Variants in FNDC3A observed in about 807,000 individuals in gnomAD.
The protein encoded by FNDC3A is fibronectin type-III domain-containing protein 3A.
Under a neutral mutation model 148.9 loss-of-function variants are expected in FNDC3A, and 32 were observed. The ratio of observed to expected loss-of-function variants is 0.21; its 90% CI spans 0.16 to 0.29. The LOEUF (loss-of-function observed/expected upper bound fraction) is 0.29. Ranked by LOEUF, FNDC3A falls within the 10% of genes least tolerant of loss-of-function variation. The probability of loss-of-function intolerance (pLI) is 1.00; values close to 1 mark genes in which losing one functional copy is unlikely to be tolerated. For synonymous variants in FNDC3A, 472 were observed against 473.6 expected, an observed-to-expected ratio of 1.00 and a Z score of 0.04; for missense variants, 1,191 against 1,452.8, an observed-to-expected ratio of 0.82 and a Z score of 2.93.
At chr13:48,990,596 A>AAT (rs1180026890) in intron 1 of FNDC3A, among the ~76,000 whole-genome samples, 6 of 149,084 alleles carry the variant, frequency 4.0e-5, no homozygotes, top group Admixed American at 2.7e-4. Context: ...TCCAAAAAAA[A>AAT]AAAAAAAAAA....
At chr13:49,192,918 TAAATA>T (rs1885959658) in intron 19 of FNDC3A, among the ~76,000 whole-genome samples, 1 of 152,196 alleles carries the variant, frequency 6.6e-6, no homozygotes, top group Non-Finnish European at 1.5e-5. Flanking sequence ...AGTTTTATTT[TAAATA>T]AAATCCATTC....
At chr13:48,990,303 G>C (rs1593442951) in intron 1 of FNDC3A, among the ~76,000 whole-genome samples, 1 of 151,978 alleles carries the variant, frequency 6.6e-6, no homozygotes, top group East Asian at 1.9e-4. Context: ...ATGTTAAATA[G>C]AGTCCTTCAA....
Position 49,138,707 on chromosome 13 carries a change from G to C in FNDC3A, c.761-40G>C, listed in dbSNP as rs754660956. 12 of 1,018,548 alleles carry C rather than the reference G, an allele frequency of 1.2e-5. No homozygotes were observed. The East Asian group carries it at 3.1e-4, about 27-fold the overall frequency. 63.1% of individuals were successfully genotyped at this position (1,018,548 alleles called of 1,614,324 possible). On this transcript the variant is annotated intron_variant, in intron 6 of 25. Transcript: ENST00000492622. ...AGGGAGAAGAAGGGATTGTATCTAAGTTCTTTTTTTTAAATATTCAAATGT... is the reference window on the plus strand; with the variant it reads ...AGGGAGAAGAAGGGATTGTATCTAACTTCTTTTTTTTAAATATTCAAATGT...
intron 1 of FNDC3A, among the ~76,000 whole-genome samples, chr13:48,997,967 A>G (rs569585107): frequency 6.6e-6 from 1 of 152,154 alleles, no homozygotes; most frequent in African/African-American, 2.4e-5. Context: ...GAGGGCTCAC[A>G]GAGAAAAAAG....
rs184879018 is a variant in FNDC3A, at chr13:49,131,969, G to T, written c.490+595G>T. Among the ~76,000 whole-genome samples the T allele has an allele frequency of 4.6e-5, 7 of 152,260 alleles. No homozygotes were observed. In the East Asian group the frequency reaches 1.2e-3, roughly 25 times the overall value. On this transcript the variant is annotated intron_variant, in intron 5 of 25. Transcript: ENST00000492622. ...TCACATGGATGTCTCTTGCATTTCAGAATATTTCTAAACAGAAATGTCAAA... is the reference window on the plus strand; with the variant it reads ...TCACATGGATGTCTCTTGCATTTCATAATATTTCTAAACAGAAATGTCAAA...
intron 8 of FNDC3A, among the ~76,000 whole-genome samples, chr13:49,160,306 G>A (rs1370659395): frequency 2.0e-5 from 3 of 152,062 alleles, no homozygotes; most frequent in African/African-American, 7.2e-5. Context: ...GCCTGTTATT[G>A]GTCTATTCAG....
At chr13:49,021,597 T>A (rs115368072) in intron 2 of FNDC3A, among the ~76,000 whole-genome samples, 236 of 152,288 alleles carry the variant, frequency 1.5e-3, no homozygotes, top group African/African-American at 5.3e-3. Flanking sequence ...GAGTAGGGAA[T>A]AGAGCAAATT....
At chr13:49,108,209 A>T (rs987479286) in intron 3 of FNDC3A, among the ~76,000 whole-genome samples, 1 of 152,214 alleles carries the variant, frequency 6.6e-6, no homozygotes, top group Non-Finnish European at 1.5e-5. Flanking sequence ...GATTTTGGAC[A>T]TTAAAGTCAT....
intron 2 of FNDC3A, among the ~76,000 whole-genome samples, chr13:49,008,580 ATTT>A: frequency 6.6e-6 from 1 of 152,182 alleles, no homozygotes; most frequent in South Asian, 2.1e-4. Context: ...GATCAAATTA[ATTT>A]TCTTATAGTT....
chr13:49,139,576 C>G (rs1331410058), intron 7 of FNDC3A, among the ~76,000 whole-genome samples: 1 of 152,132 alleles, frequency 6.6e-6, no homozygotes, highest in Non-Finnish European at 1.5e-5. Context: ...TAAGCCAGTT[C>G]CTCATCTAAT....
Position 49,175,443 on chromosome 13 carries a change from G to A in FNDC3A, c.1432G>A (p.Ala478Thr), listed in dbSNP as rs148896491. The stretch of plus-strand genomic sequence containing the variant: ...GCCAGCAAGTCCTGTATTAACCAAG[G>A]CTGGAATTACTTGGTTATCCTTACA... The part of the protein sequence containing the change: ...SMPASPVLTK[A>T]GITWLSLQWS... Residue 478 changes from alanine (A) to threonine (T), a missense_variant, in exon 13 of 26, where the codon GCT becomes ACT. Transcript: ENST00000492622. 1,332 of 1,611,764 alleles carry A rather than the reference G, an allele frequency of 8.3e-4. No individual in the cohort carries two copies. Among genetic ancestry groups the A allele is most frequent in the Non-Finnish European group, 1.1e-3 (1,252 of 1,178,226 alleles).
At chr13:49,147,442 G>T (rs1257977299) in intron 8 of FNDC3A, among the ~76,000 whole-genome samples, 1 of 151,914 alleles carries the variant, frequency 6.6e-6, no homozygotes, top group Admixed American at 6.6e-5. Flanking sequence ...TAGCTGGGAG[G>T]TAAGGGGTGG....
chr13:49,044,870 T>G (rs1286178341), intron 2 of FNDC3A: 3 of 321,738 alleles, frequency 9.3e-6, no homozygotes, highest in African/African-American at 2.3e-5. Flanking sequence ...AAAACTTGAT[T>G]GTTCTTGGCA....
At chr13:48,982,265 T>C (rs1226554286) in intron 1 of FNDC3A, among the ~76,000 whole-genome samples, 1 of 152,140 alleles carries the variant, frequency 6.6e-6, no homozygotes, top group Non-Finnish European at 1.5e-5. Context: ...TTTTTTGTTT[T>C]CTTAAGACAG....
At chr13:49,042,536 G>A (rs984980608) in intron 2 of FNDC3A, among the ~76,000 whole-genome samples, 1 of 152,128 alleles carries the variant, frequency 6.6e-6, no homozygotes, top group Non-Finnish European at 1.5e-5. Flanking sequence ...AGCACTTTGG[G>A]AGGCCAAGGT....
chr13:49,123,351 G>A (rs1356910736), intron 4 of FNDC3A, among the ~76,000 whole-genome samples: 1 of 152,072 alleles, frequency 6.6e-6, no homozygotes, highest in Non-Finnish European at 1.5e-5. Flanking sequence ...ATTAACTCAA[G>A]ATGGATTAAA....
Position 49,175,494 on chromosome 13 carries a change from T to A in FNDC3A, c.1483T>A (p.Ser495Thr). The A allele has an allele frequency of 6.2e-7, 1 of 1,612,258 alleles. No individual in the cohort carries two copies. ...ATGGAGTAAGCCCTCAGGAACACCATCAGATGAAGGAATTTCTTACATTTT... is the reference window on the plus strand; with the variant it reads ...ATGGAGTAAGCCCTCAGGAACACCAACAGATGAAGGAATTTCTTACATTTT... ...LQWSKPSGTP[S>T]DEGISYILEM... Residue 495 changes from serine to threonine, a missense_variant, in exon 13 of 26, where the codon TCA (serine) becomes ACA (threonine). By Grantham distance (58) the Ser-to-Thr change is moderately conservative. This residue lies in a region of FNDC3A where 751 missense variants were observed against 944.0 expected (regional missense o/e 0.80). Transcript: ENST00000492622.
At chr13:49,061,804 T>C (rs1445362973) in intron 2 of FNDC3A, among the ~76,000 whole-genome samples, 4 of 48,154 alleles carry the variant, frequency 8.3e-5, no homozygotes, top group African/African-American at 3.2e-4. Flanking sequence ...TCTCCTCTTC[T>C]CTCCTCTCCT....
At chr13:49,149,216 G>C (rs1381950519) in intron 8 of FNDC3A, among the ~76,000 whole-genome samples, 1 of 149,274 alleles carries the variant, frequency 6.7e-6, no homozygotes, top group Non-Finnish European at 1.5e-5. Flanking sequence ...TTGGCTGGTT[G>C]CTCTGGCTAG....
Sources: gnomAD v4.1 joint callset for allele counts (sites outside exome capture counted in the v4.1 genomes callset) on GRCh38, gnomAD v4.1.1 for gene constraint, gnomAD v4.1.1 regional missense constraint, MANE v1.5 for transcripts, NCBI Gene and HGNC (gene_info 2026-07-23, HGNC 2026-07-21) for gene names.